BRAF: variants seen among roughly 807,000 people sequenced by gnomAD.
BRAF encodes the protein B-Raf proto-oncogene, serine/threonine kinase.
Under a neutral mutation model 104.6 loss-of-function variants are expected in BRAF, and 16 were observed. The observed-to-expected ratio is 0.15, with a 90% CI of 0.10 to 0.23. The LOEUF is 0.23. Ranked by LOEUF, BRAF falls within the 10% of genes least tolerant of loss-of-function variation. The pLI, the probability that BRAF is intolerant of heterozygous loss-of-function variation, is 1.00. For missense variants in BRAF, 541 were observed against 937.3 expected (o/e 0.58, Z 5.52); for synonymous variants, 310 against 341.6 (o/e 0.91, Z 1.02).
At chr7:140,894,047 T>C (rs1002594152) in intron 1 of BRAF, among the ~76,000 whole-genome samples, 1 of 152,056 alleles carries the variant, frequency 6.6e-6, no homozygotes, top group Non-Finnish European at 1.5e-5. Flanking sequence ...GATGGGAGGA[T>C]GGCTTGAGCC....
intron 1 of BRAF, among the ~76,000 whole-genome samples, chr7:140,874,532 T>TA (rs71659759): frequency 0.12 from 9,471 of 80,866 alleles, 462 homozygotes; most frequent in South Asian, 0.22. Flanking sequence ...AGAAAAAAAG[T>TA]AAAAAAAAAA....
Position 140,722,565 on chromosome 7 carries a change from G to T in BRAF, c.*3929C>A. ...TCCATCTCTGGCTATGGTGTTTATA[G>T]CCTAATGGTTGGAATCTGCTCGTCT... On this transcript the variant is annotated 3_prime_UTR_variant, in exon 20 of 20. Transcript: ENST00000644969. 1 of 1,056,012 alleles carries T rather than the reference G, an allele frequency of 9.5e-7. No homozygotes were observed. The highest frequency in any genetic ancestry group is 1.1e-6 in the Non-Finnish European group (1 of 873,504). 65.4% of individuals were successfully genotyped at this position (1,056,012 alleles called of 1,614,324 possible). A position where few individuals can be genotyped will look rare whatever the true frequency, so the allele number is the denominator to read the frequency against.
chr7:140,892,372 G>T (rs984046488), intron 1 of BRAF, among the ~76,000 whole-genome samples: 8 of 152,144 alleles, frequency 5.3e-5, no homozygotes, highest in African/African-American at 1.9e-4. Flanking sequence ...TATAGTACAG[G>T]GTATCACCTG....
intron 1 of BRAF, among the ~76,000 whole-genome samples, chr7:140,910,755 G>T (rs1816877111): frequency 6.6e-6 from 1 of 152,084 alleles, no homozygotes; most frequent in South Asian, 2.1e-4. Context: ...GCTCACTGCA[G>T]CCGTGAACTG....
intron 14 of BRAF, among the ~76,000 whole-genome samples, chr7:140,773,061 A>G (rs1800001689): frequency 6.6e-6 from 1 of 152,154 alleles, no homozygotes; most frequent in Non-Finnish European, 1.5e-5. Context: ...TAGTGGACAT[A>G]AAGTTATCTT....
chr7:140,768,692 T>TAG (rs1799562338), intron 14 of BRAF, among the ~76,000 whole-genome samples: 1 of 152,078 alleles, frequency 6.6e-6, no homozygotes, highest in South Asian at 2.1e-4. Flanking sequence ...AGATGAGGTC[T>TAG]TACTATGTTG....
At chr7:140,766,668 A>T (rs1249650001) in intron 14 of BRAF, among the ~76,000 whole-genome samples, 1 of 152,014 alleles carries the variant, frequency 6.6e-6, no homozygotes, top group Non-Finnish European at 1.5e-5. Flanking sequence ...CTGCAACCTC[A>T]GCCTCCCGAG....
chr7:140,722,541 C>T lies in BRAF; in HGVS notation c.*3953G>A. 1.9e-6 allele frequency: 2 copies of T among 1,057,050 alleles called. No homozygotes were observed. The highest frequency in any genetic ancestry group is 2.3e-6 in the Non-Finnish European group (2 of 874,146). 65.5% of individuals were successfully genotyped at this position (1,057,050 alleles called of 1,614,324 possible). A position where few individuals can be genotyped will look rare whatever the true frequency, so the allele number is the denominator to read the frequency against. On this transcript the variant is annotated 3_prime_UTR_variant, in exon 20 of 20. Coordinates refer to ENST00000644969, the MANE Select transcript of BRAF (RefSeq NM_001374258.1). ...GCTGTTCATACTCACAGTAAACCTT[C>T]CATCTCTGGCTATGGTGTTTATAGC...
chr7:140,820,746 C>G (rs1805388853), intron 3 of BRAF, among the ~76,000 whole-genome samples: 1 of 152,000 alleles, frequency 6.6e-6, no homozygotes, highest in Non-Finnish European at 1.5e-5. Flanking sequence ...TTGAGACCAG[C>G]CTGGGCAACA....
At position 140,874,402 on chromosome 7, in the gene BRAF, A is replaced by G. The variant is rs550420686; in HGVS notation, c.139-24190T>C. Among the ~76,000 whole-genome samples the G allele has an allele frequency of 3.1e-3, 465 of 151,810 alleles. 6 individuals carry two copies. The highest frequency in any genetic ancestry group is 5.8e-3 in the Non-Finnish European group (393 of 67,902). ...TTTTCAGTAGAGACGGGGTTTCATC[A>G]CGTTGGCCAGGATGGCCTCGATCTC... On this transcript the variant is annotated intron_variant, in intron 1 of 19. Transcript: ENST00000644969.
chr7:140,871,239 C>CAAAA (rs11284186), intron 1 of BRAF, among the ~76,000 whole-genome samples: 1 of 61,160 alleles, frequency 1.6e-5, no homozygotes, highest in African/African-American at 5.7e-5. Flanking sequence ...GACTCCGTCT[C>CAAAA]AAAAAAAAAA....
In BRAF at chr7:140,913,544, G is replaced by A. The variant is rs571953474; in HGVS notation, c.138+11022C>T. Reference sequence around the variant, plus strand: ...TGTAGCCAGGCTGGAGTGCAGTGGCGCGATCTTGGCTCACTGCAACCTCCG... The same window carrying A: ...TGTAGCCAGGCTGGAGTGCAGTGGCACGATCTTGGCTCACTGCAACCTCCG... On this transcript the variant is annotated intron_variant, in intron 1 of 19. Transcript: ENST00000644969. 3.6e-3 allele frequency among the ~76,000 whole-genome samples: 502 copies of A among 140,552 alleles called. 1 individual carries two copies. Among genetic ancestry groups the A allele is most frequent in the Middle Eastern group, 7.5e-3 (2 of 266 alleles). The allele number at this position is 140,552 out of a possible 152,430, so 92.2% of individuals were successfully genotyped here. A position where few individuals can be genotyped will look rare whatever the true frequency, so the allele number is the denominator to read the frequency against.
chr7:140,747,740 G>A (rs1418360899), intron 17 of BRAF, among the ~76,000 whole-genome samples: 8 of 152,158 alleles, frequency 5.3e-5, no homozygotes, highest in Non-Finnish European at 1.2e-4. Flanking sequence ...AAATAAGACT[G>A]TAAAAGACAG....
chr7:140,857,576 T>C (rs1809943349), intron 1 of BRAF, among the ~76,000 whole-genome samples: 1 of 152,126 alleles, frequency 6.6e-6, no homozygotes. Flanking sequence ...TACTAATGAG[T>C]TTATTAATAA....
rs1419549810 is a variant in BRAF at position 140,749,459 on chromosome 7, G to C, written c.1981-41C>G. ...AAGAAAAATATTCTTCACTTCAATTGAATAAAGACTGAAAAACAACCTACT... is the reference window on the plus strand; with the variant it reads ...AAGAAAAATATTCTTCACTTCAATTCAATAAAGACTGAAAAACAACCTACT... On this transcript the variant is annotated intron_variant, in intron 16 of 19. Transcript: ENST00000644969. The C allele has an allele frequency of 2.5e-6, 4 of 1,604,782 alleles. No individual in the cohort carries two copies. In the African/African-American group the frequency reaches 5.4e-5, roughly 21 times the overall value.
intron 1 of BRAF, among the ~76,000 whole-genome samples, chr7:140,856,317 G>C (rs960530924): frequency 6.6e-6 from 1 of 151,932 alleles, no homozygotes; most frequent in Non-Finnish European, 1.5e-5. Flanking sequence ...TCAAGAAAAT[G>C]GTTGAAAGAA....
intron 3 of BRAF, among the ~76,000 whole-genome samples, chr7:140,810,637 G>C (rs1357888260): frequency 1.3e-5 from 2 of 152,038 alleles, no homozygotes; most frequent in African/African-American, 4.8e-5. Context: ...TGAGAGACTG[G>C]GCTCATCACT....
chr7:140,903,605 T>C (rs556504398), intron 1 of BRAF, among the ~76,000 whole-genome samples: 1 of 152,292 alleles, frequency 6.6e-6, no homozygotes, highest in East Asian at 1.9e-4. Context: ...CAACATTCCT[T>C]ATTTAAGAAG....
chr7:140,760,760 G>A (rs1384600159), intron 14 of BRAF, among the ~76,000 whole-genome samples: 3 of 152,126 alleles, frequency 2.0e-5, no homozygotes, highest in South Asian at 2.1e-4. Context: ...CTCAGGAGCC[G>A]ATGCGATCAA....
Sources: gnomAD v4.1 joint callset for allele counts (sites outside exome capture counted in the v4.1 genomes callset) on GRCh38, gnomAD v4.1.1 for gene constraint, MANE v1.5 for transcripts, NCBI Gene and HGNC (gene_info 2026-07-23, HGNC 2026-07-21) for gene names.